OTOA: variants seen among roughly 807,000 people sequenced by gnomAD.
OTOA encodes the protein otoancorin.
OTOA carries 70 observed loss-of-function variants against 110.8 expected under a neutral mutation model. The ratio of observed to expected loss-of-function variants is 0.63; its 90% CI spans 0.52 to 0.77. The LOEUF (loss-of-function observed/expected upper bound fraction) is 0.77. Ranked by LOEUF, OTOA falls within the 30% of genes least tolerant of loss-of-function variation. The pLI is 0.00. For missense variants in OTOA, 917 were observed against 1,075.8 expected, an observed-to-expected ratio of 0.85 and a Z score of 2.06; for synonymous variants, 373 against 431.5, an observed-to-expected ratio of 0.86 and a Z score of 1.68.
At position 21,737,028 on chromosome 16, in the gene OTOA, A is replaced by T. The variant is rs539889604; in HGVS notation, c.2431+638A>T. 3.0e-4 allele frequency among the ~76,000 whole-genome samples: 46 copies of T among 152,406 alleles called. No homozygotes were observed. In the South Asian group the frequency reaches 4.8e-3, roughly 16 times the overall value. ...CATTTCACTCCTGAGTCTGCCACTT[A>T]CTGGCTGTGTGGCTTTGGGTAAGCT... On this transcript the variant is annotated intron_variant, in intron 22 of 28. Transcript: ENST00000646100.
At chr16:21,680,527 A>C (rs1966880537) in intron 5 of OTOA, among the ~76,000 whole-genome samples, 1 of 151,624 alleles carries the variant, frequency 6.6e-6, no homozygotes, top group African/African-American at 2.4e-5. Context: ...ACAAACAAAC[A>C]AACAAACAAA....
At chr16:21,697,037 CTT>C (rs56124254) in intron 9 of OTOA, among the ~76,000 whole-genome samples, 56 of 65,040 alleles carry the variant, frequency 8.6e-4, no homozygotes, top group South Asian at 4.0e-3. Flanking sequence ...CTACAGCTGG[CTT>C]TTTTTTTTTT....
chr16:21,717,170 A>G, intron 15 of OTOA, 123 bp downstream of exon 15: 1 of 1,364,064 alleles, frequency 7.3e-7, no homozygotes, highest in Non-Finnish European at 1.0e-6. Context: ...TATAGGAGGC[A>G]GAATAGTATA....
At chr16:21,670,954 C>G (rs1439392085) in intron 1 of OTOA, among the ~76,000 whole-genome samples, 1 of 152,024 alleles carries the variant, frequency 6.6e-6, no homozygotes, top group Non-Finnish European at 1.5e-5. Context: ...GAGGGACAGA[C>G]AGATGGCCCG....
chr16:21,758,104 C>G (rs1420299060), intron 28 of OTOA, among the ~76,000 whole-genome samples: 1 of 151,784 alleles, frequency 6.6e-6, no homozygotes, highest in African/African-American at 2.4e-5. Context: ...GATAGAGAAG[C>G]CTCCCCAGGG....
rs1478510057 is a variant in OTOA, at chr16:21,705,302, G to A, written c.1104+10G>A. 1.2e-6 allele frequency: 2 copies of A among 1,613,528 alleles called. No individual in the cohort carries two copies. ...GGCTGGCGTCCAGAAGGTACAGCTG[G>A]GGTGCAAGGCCCTGAGGCCTCTGCC... On this transcript the variant is annotated intron_variant, in intron 12 of 28. Transcript: ENST00000646100.
At chr16:21,738,314 CTG>C (rs1899407671) in intron 22 of OTOA, among the ~76,000 whole-genome samples, 1 of 116,878 alleles carries the variant, frequency 8.6e-6, no homozygotes. Flanking sequence ...CATGTAGTGA[CTG>C]TTAAAGGAAA....
chr16:21,708,425 G>T (rs1408485623), intron 12 of OTOA, among the ~76,000 whole-genome samples: 1 of 152,144 alleles, frequency 6.6e-6, no homozygotes, highest in East Asian at 1.9e-4. Context: ...CCAGGGTCCC[G>T]GTGGTCCCCA....
intron 20 of OTOA, chr16:21,729,541 T>A (rs926298942): frequency 6.6e-6 from 1 of 152,182 alleles, no homozygotes; most frequent in Admixed American, 6.5e-5. Context: ...ATATTTTACA[T>A]TAGGATTCAC....
intron 1 of OTOA, among the ~76,000 whole-genome samples, chr16:21,667,438 A>G (rs895755713): frequency 2.0e-5 from 3 of 152,074 alleles, no homozygotes; most frequent in Non-Finnish European, 4.4e-5. Context: ...GCAGATCACA[A>G]GATCAGGAGA....
chr16:21,758,348 C>G (rs1900060798), intron 28 of OTOA, among the ~76,000 whole-genome samples: 1 of 148,028 alleles, frequency 6.8e-6, no homozygotes, highest in African/African-American at 2.5e-5. Flanking sequence ...GACATGTACC[C>G]TGGTGAACAT....
At chr16:21,683,305 C>G (rs764373372) in intron 6 of OTOA, among the ~76,000 whole-genome samples, 5 of 152,166 alleles carry the variant, frequency 3.3e-5, no homozygotes, top group Admixed American at 3.3e-4. Flanking sequence ...ACTGAATCCT[C>G]GTAATAACTC....
chr16:21,705,362 C>A, intron 12 of OTOA, 70 bp downstream of exon 12: 1 of 1,609,336 alleles, frequency 6.2e-7, no homozygotes, highest in Non-Finnish European at 8.5e-7. Flanking sequence ...GGGAGAACAG[C>A]CTAGCTTAGC....
chr16:21,726,676 G>C lies in OTOA; in HGVS notation c.2016+18G>C. Reference sequence around the variant, plus strand: ...AGTGCCTGGTAAGAAAACTCTTCCTGGGTGTCCCCTCCCTCTGGGTATCTG... The same window carrying C: ...AGTGCCTGGTAAGAAAACTCTTCCTCGGTGTCCCCTCCCTCTGGGTATCTG... On this transcript the variant is annotated intron_variant, in intron 19 of 28. Coordinates refer to ENST00000646100, the MANE Select transcript of OTOA (RefSeq NM_144672.4). 6.2e-7 allele frequency: 1 copy of C among 1,613,898 alleles called. No homozygotes were observed. The highest frequency in any genetic ancestry group is 8.5e-7 in the Non-Finnish European group (1 of 1,179,908).
At chr16:21,730,989 G>A in intron 21 of OTOA, 59 bp downstream of exon 21, 3 of 1,002,772 alleles carry the variant, frequency 3.0e-6, no homozygotes, top group Non-Finnish European at 1.6e-6. Flanking sequence ...AGAAAGTGTG[G>A]TCAGTTATAC....
chr16:21,684,756 ATTATTATTATTT>A (rs200011647), intron 6 of OTOA, among the ~76,000 whole-genome samples: 6,759 of 78,434 alleles, frequency 0.086, 268 homozygotes, highest in Admixed American at 0.17. Context: ...TATTATTATT[ATTATTATTATTT>A]TTTAGGTGGA....
At chr16:21,758,838 C>A (rs1048334214) in intron 28 of OTOA, among the ~76,000 whole-genome samples, 1 of 151,754 alleles carries the variant, frequency 6.6e-6, no homozygotes, top group Admixed American at 6.6e-5. Flanking sequence ...CCCGTCTCTA[C>A]TAAAAATACA....
rs62045993 is a variant in OTOA, at chr16:21,760,552, G to T, written c.*12G>T. The T allele has an allele frequency of 5.6e-6, 9 of 1,600,182 alleles. No individual in the cohort carries two copies. Among genetic ancestry groups the T allele is most frequent in the East Asian group, 2.3e-5 (1 of 44,162 alleles). ...AGCTCCTGTGGTGAGTGGCCTGAGCGCATCGTCCTGTGTTGCCCCAAGCAG... is the reference window on the plus strand; with the variant it reads ...AGCTCCTGTGGTGAGTGGCCTGAGCTCATCGTCCTGTGTTGCCCCAAGCAG... On this transcript the variant is annotated 3_prime_UTR_variant, in exon 29 of 29. Transcript: ENST00000646100.
chr16:21,679,721 T>C (rs28449428), intron 5 of OTOA, among the ~76,000 whole-genome samples: 4,614 of 152,240 alleles, frequency 0.03, 263 homozygotes, highest in African/African-American at 0.11. Flanking sequence ...CTGAAATTTA[T>C]TGAGTGCTTT....
Sources: gnomAD v4.1 joint callset for allele counts (sites outside exome capture counted in the v4.1 genomes callset) on GRCh38, gnomAD v4.1.1 for gene constraint, MANE v1.5 for transcripts, NCBI Gene and HGNC (gene_info 2026-07-23, HGNC 2026-07-21) for gene names.